DNAH9: variants seen among roughly 807,000 people sequenced by gnomAD.
DNAH9 encodes the protein dynein axonemal heavy chain 9.
DNAH9 carries 345 observed loss-of-function variants against 471.6 expected under a neutral mutation model. That is an observed-to-expected ratio of 0.73 (90% confidence interval 0.67 to 0.80). The LOEUF (loss-of-function observed/expected upper bound fraction) is 0.80, where lower values mean the gene tolerates loss of function less well. Among genes scored for constraint, DNAH9 ranks in the 30% least tolerant of loss-of-function variants. The pLI, the probability that DNAH9 is intolerant of heterozygous loss-of-function variation, is 0.00. For synonymous variants in DNAH9, 2,093 were observed against 2,123.6 expected (o/e 0.99, Z 0.40); for missense variants, 5,407 against 5,609.2 (o/e 0.96, Z 1.15).
chr17:11,780,918 G>T, intron 38 of DNAH9, 91 bp from the exon 39 acceptor site: 1 of 1,368,838 alleles, frequency 7.3e-7, no homozygotes, highest in East Asian at 2.5e-5. Context: ...CATGAAGGCA[G>T]CACCATTGCT....
intron 26 of DNAH9, among the ~76,000 whole-genome samples, chr17:11,705,856 T>C (rs1300511023): frequency 1.3e-5 from 2 of 152,186 alleles, no homozygotes; most frequent in Non-Finnish European, 2.9e-5. Context: ...ATATGTCAAA[T>C]ATGTATCAAT....
At position 11,654,835 on chromosome 17, in the gene DNAH9, A is replaced by G. The variant is rs200175620; in HGVS notation, c.2595+1833A>G. ...AACGAAGGCACAGACAGGCTAAATT[A>G]ATTGTCTGTAGCTGCCCAGTTAATA... On this transcript the variant is annotated intron_variant, in intron 14 of 68. Transcript: ENST00000262442. Among the ~76,000 whole-genome samples, 7 of 152,150 alleles carry G rather than the reference A, an allele frequency of 4.6e-5. No homozygotes were observed. In the East Asian group the frequency reaches 1.4e-3, roughly 29 times the overall value.
rs1250585503 is a variant in DNAH9, at chr17:11,793,489, TG to T, written c.8062-13del. 1 of 1,600,574 alleles carries T rather than the reference TG, an allele frequency of 6.2e-7. No homozygotes were observed. The highest frequency in any genetic ancestry group is 8.5e-7 in the Non-Finnish European group (1 of 1,176,398). ...GTTATTAACGTTATTTTTTTGTGTC[TG>T]TTCCCCTTGAAGGGCATTCTCTTCT... On this transcript the variant is annotated splice_polypyrimidine_tract_variant and intron_variant, in intron 41 of 68. Transcript: ENST00000262442.
rs8068901 is a variant in DNAH9 at position 11,889,315 on chromosome 17, G to T, written c.11112+2350G>T. The stretch of plus-strand genomic sequence containing the variant: ...CGGAAGCCCAAGGGCCTATTGTCCT[G>T]TTTTCTTTGGTCCTTGGAGGGCTTT... On this transcript the variant is annotated intron_variant, in intron 57 of 68. Transcript: ENST00000262442. Among the ~76,000 whole-genome samples, 307 of 152,346 alleles carry T rather than the reference G, an allele frequency of 2.0e-3. 1 individual carries two copies. The highest frequency in any genetic ancestry group is 7.0e-3 in the African/African-American group (290 of 41,594).
At chr17:11,771,490 A>G (rs1968202612) in intron 38 of DNAH9, among the ~76,000 whole-genome samples, 1 of 152,188 alleles carries the variant, frequency 6.6e-6, no homozygotes, top group African/African-American at 2.4e-5. Context: ...CTTGGTTTCA[A>G]TAATCAGCTC....
intron 38 of DNAH9, 118 bp downstream of exon 38, chr17:11,769,447 C>T (rs556976729): frequency 1.4e-5 from 12 of 850,520 alleles, no homozygotes; most frequent in East Asian, 5.3e-5. Flanking sequence ...CCCAGCACTG[C>T]GCACTTCCTC....
Position 11,623,221 on chromosome 17 carries a change from A to G in DNAH9, c.1350+3440A>G, listed in dbSNP as rs188519438. Among the ~76,000 whole-genome samples, 468 of 152,018 alleles carry G rather than the reference A, an allele frequency of 3.1e-3. 2 individuals are homozygous for G. Among genetic ancestry groups the G allele is most frequent in the African/African-American group, 0.011 (440 of 41,480 alleles). The stretch of plus-strand genomic sequence containing the variant: ...ACTCCCAACCTCAGGAGATCCACCC[A>G]GCTTGGCCTCCCAAAGTGCTGGGAT... On this transcript the variant is annotated intron_variant, in intron 6 of 68. Coordinates refer to ENST00000262442, the MANE Select transcript of DNAH9 (RefSeq NM_001372.4). The surrounding 1 kb of genome is among the most constrained non-coding windows in gnomAD (Gnocchi z 4.1).
At chr17:11,941,795 T>C (rs750637690) in intron 66 of DNAH9, among the ~76,000 whole-genome samples, 13 of 151,822 alleles carry the variant, frequency 8.6e-5, no homozygotes, top group South Asian at 2.1e-4. Context: ...GATAGATAGA[T>C]AGATATTGTA....
At chr17:11,598,975 C>G in intron 1 of DNAH9, 60 bp downstream of exon 1, 1 of 790,672 alleles carries the variant, frequency 1.3e-6, no homozygotes, top group African/African-American at 2.2e-5. Flanking sequence ...GAGGAGGAGC[C>G]TTAAGGGACG....
At chr17:11,712,581 T>G (rs2074890414) in intron 26 of DNAH9, among the ~76,000 whole-genome samples, 1 of 152,148 alleles carries the variant, frequency 6.6e-6, no homozygotes, top group Non-Finnish European at 1.5e-5. Context: ...TTGACAATAT[T>G]TACTATTGTC....
chr17:11,680,134 A>G (rs1051270924), intron 18 of DNAH9, among the ~76,000 whole-genome samples, 155 bp downstream of exon 18: 2 of 152,192 alleles, frequency 1.3e-5, no homozygotes, highest in African/African-American at 4.8e-5. Flanking sequence ...TGTAACATCT[A>G]GCAAATTCTG....
intron 57 of DNAH9, among the ~76,000 whole-genome samples, chr17:11,888,449 A>G (rs1426056297): frequency 1.3e-5 from 2 of 152,196 alleles, no homozygotes; most frequent in Non-Finnish European, 2.9e-5. Flanking sequence ...GAAATTGACT[A>G]TAGGTACCCA....
rs1211842531 is a variant in DNAH9, at chr17:11,694,777, CTTCT to C, written c.4872+390_4872+393del. ...CCTTCCTTCCTTCCTTCCTTCCTTCCTTCTTTCTTTCTTTCTTTCTTTCTTTCTT... is the reference window on the plus strand; with the variant it reads ...CCTTCCTTCCTTCCTTCCTTCCTTCCTTCTTTCTTTCTTTCTTTCTTTCTT... On this transcript the variant is annotated intron_variant, in intron 22 of 68. Coordinates refer to ENST00000262442, the MANE Select transcript of DNAH9 (RefSeq NM_001372.4). Among the ~76,000 whole-genome samples the C allele has an allele frequency of 1.6e-3, 2 of 1,246 alleles. 1 individual carries two copies. Among genetic ancestry groups the C allele is most frequent in the African/African-American group, 3.2e-3 (2 of 628 alleles). 0.8% of individuals were successfully genotyped at this position (1,246 alleles called of 152,430 possible).
At chr17:11,605,616 C>G (rs1457845834) in intron 1 of DNAH9, among the ~76,000 whole-genome samples, 1 of 152,052 alleles carries the variant, frequency 6.6e-6, no homozygotes, top group African/African-American at 2.4e-5. Context: ...CCTCTCACCT[C>G]AGCCTCCTTA....
intron 43 of DNAH9, among the ~76,000 whole-genome samples, chr17:11,802,605 C>G (rs1969505208): frequency 6.8e-6 from 1 of 147,772 alleles, no homozygotes; most frequent in African/African-American, 2.5e-5. Context: ...GCATTCCAGC[C>G]TGAGCAACAA....
intron 43 of DNAH9, among the ~76,000 whole-genome samples, chr17:11,798,432 C>CAAAA (rs71142247): frequency 1.5e-4 from 9 of 61,612 alleles, no homozygotes; most frequent in Non-Finnish European, 2.4e-4. Context: ...GACTCTGCCT[C>CAAAA]AAAAAAAAAA....
chr17:11,678,301 C>G (rs1228753254), intron 17 of DNAH9, among the ~76,000 whole-genome samples: 4 of 152,154 alleles, frequency 2.6e-5, no homozygotes, highest in Non-Finnish European at 4.4e-5. Context: ...TGTGATCTAT[C>G]CGCCTCGGCC....
intron 28 of DNAH9, among the ~76,000 whole-genome samples, chr17:11,733,009 C>T (rs891702590): frequency 6.6e-6 from 1 of 152,188 alleles, no homozygotes; most frequent in African/African-American, 2.4e-5. Context: ...CCATGTAACA[C>T]CCTTTAAAGA....
At chr17:11,698,182 T>TATTATTA (rs369729599) in intron 22 of DNAH9, among the ~76,000 whole-genome samples, 31 of 120,312 alleles carry the variant, frequency 2.6e-4, no homozygotes, top group African/African-American at 9.0e-4. Context: ...TAATATATTA[T>TATTATTA]TATATTAATA....
Sources: allele counts gnomAD v4.1 joint callset (sites outside exome capture counted in the v4.1 genomes callset), GRCh38; gene constraint gnomAD v4.1.1; non-coding constraint Gnocchi (gnomAD v3.1); transcripts MANE v1.5; gene names NCBI Gene and HGNC (gene_info 2026-07-23, HGNC 2026-07-21).